The following ASIC2 variants were observed in gnomAD, a reference collection of about 807,000 sequenced individuals.
ASIC2 encodes the protein acid sensing ion channel subunit 2, also known as acid-sensing ion channel 2.
ASIC2 carries 25 observed loss-of-function variants against 57.3 expected under a neutral mutation model. The ratio of observed to expected loss-of-function variants is 0.44; its 90% CI spans 0.32 to 0.61. The LOEUF (loss-of-function observed/expected upper bound fraction) is 0.61, where lower values mean the gene tolerates loss of function less well. Ranked by LOEUF, ASIC2 falls within the 20% of genes least tolerant of loss-of-function variation. The pLI, the probability that ASIC2 is intolerant of heterozygous loss-of-function variation, is 0.06. For missense variants in ASIC2, 641 were observed against 738.1 expected, an observed-to-expected ratio of 0.87 and a Z score of 1.52; for synonymous variants, 319 against 307.5, an observed-to-expected ratio of 1.04 and a Z score of -0.39.
chr17:34,128,640 T>C (rs1305898075), intron 1 of ASIC2, among the ~76,000 whole-genome samples: 1 of 152,218 alleles, frequency 6.6e-6, no homozygotes, highest in African/African-American at 2.4e-5. Context: ...ACTAGAACTG[T>C]GCGCTAGATA....
chr17:33,488,430 T>G (rs1913646078), intron 1 of ASIC2, among the ~76,000 whole-genome samples: 1 of 152,238 alleles, frequency 6.6e-6, no homozygotes, highest in Admixed American at 6.5e-5. Flanking sequence ...CACATCAGGG[T>G]CACCTCTATC....
At chr17:33,115,897 T>C (rs56016224) in intron 1 of ASIC2, among the ~76,000 whole-genome samples, 7,512 of 152,286 alleles carry the variant, frequency 0.049, 563 homozygotes, top group African/African-American at 0.17. Flanking sequence ...ACACATTTCC[T>C]TGTGCACCTC....
intron 1 of ASIC2, among the ~76,000 whole-genome samples, chr17:33,674,727 G>A (rs528899011): frequency 2.6e-5 from 4 of 152,288 alleles, no homozygotes; most frequent in Admixed American, 2.6e-4. Context: ...CTCGTTCTGT[G>A]ATATCCAGGG....
chr17:33,904,163 CAAAAA>C lies in ASIC2; in HGVS notation c.555+251810_555+251814del, dbSNP rs769795292. ...GGGCAACAAGAGTGAAACTCCGTCT[CAAAAA>C]AAAAAAAAAAAAAAAAAAAGAATTA... On this transcript the variant is annotated intron_variant, in intron 1 of 9. Transcript: ENST00000359872. Among the ~76,000 whole-genome samples, 6 of 55,860 alleles carry C rather than the reference CAAAAA, an allele frequency of 1.1e-4. No homozygotes were observed. In the South Asian group the frequency reaches 6.4e-3, roughly 60 times the overall value. 36.6% of individuals were successfully genotyped at this position (55,860 alleles called of 152,430 possible). A position where few individuals can be genotyped will look rare whatever the true frequency, so the allele number is the denominator to read the frequency against.
At chr17:33,825,432 A>G (rs962117073) in intron 1 of ASIC2, among the ~76,000 whole-genome samples, 3 of 152,198 alleles carry the variant, frequency 2.0e-5, no homozygotes, top group Non-Finnish European at 4.4e-5. Flanking sequence ...TGACACAATC[A>G]TCATTCCATT....
At chr17:33,344,701 C>T (rs928002174) in intron 1 of ASIC2, among the ~76,000 whole-genome samples, 1 of 152,068 alleles carries the variant, frequency 6.6e-6, no homozygotes, top group Non-Finnish European at 1.5e-5. Flanking sequence ...TGTGGTCTCT[C>T]CTCCCACTTA....
At chr17:33,533,914 C>G (rs182573355) in intron 1 of ASIC2, among the ~76,000 whole-genome samples, 25 of 152,326 alleles carry the variant, frequency 1.6e-4, no homozygotes, top group Non-Finnish European at 3.1e-4. Context: ...CTCAATGTTT[C>G]TCTGTAAGGT....
chr17:33,423,460 C>A (rs1911112026), intron 1 of ASIC2, among the ~76,000 whole-genome samples: 1 of 152,200 alleles, frequency 6.6e-6, no homozygotes, highest in African/African-American at 2.4e-5. Context: ...TGACATGCTA[C>A]TAGTAATAAC....
At chr17:33,306,150 G>A (rs543020763) in intron 1 of ASIC2, among the ~76,000 whole-genome samples, 2 of 152,314 alleles carry the variant, frequency 1.3e-5, no homozygotes, top group Non-Finnish European at 2.9e-5. Flanking sequence ...CGATAAAAGA[G>A]AAATGGAATT....
rs554196253 is a variant in ASIC2 at position 33,123,951 on chromosome 17, G to A, written c.709-11884C>T. 2.0e-5 allele frequency among the ~76,000 whole-genome samples: 3 copies of A among 152,356 alleles called. No individual in the cohort carries two copies. The South Asian group carries it at 6.2e-4, about 32-fold the overall frequency. ...TATTCTACAGGGCTGCATTGAAAGC[G>A]ATGCACCAGTGGAAACCAAATGATA... On this transcript the variant is annotated intron_variant, in intron 1 of 9. Coordinates refer to ENST00000225823, the MANE Select transcript of ASIC2 (RefSeq NM_183377.2).
At chr17:33,949,525 C>T (rs1904492664) in intron 1 of ASIC2, among the ~76,000 whole-genome samples, 2 of 152,294 alleles carry the variant, frequency 1.3e-5, no homozygotes, top group South Asian at 4.1e-4. Flanking sequence ...CTTTTCTATG[C>T]TGCTTTGGAT....
At chr17:33,375,328 T>C (rs1021533380) in intron 1 of ASIC2, among the ~76,000 whole-genome samples, 2 of 149,902 alleles carry the variant, frequency 1.3e-5, no homozygotes, top group South Asian at 4.2e-4. Flanking sequence ...CATGACGGGC[T>C]CTCAGGCAGG....
intron 1 of ASIC2, among the ~76,000 whole-genome samples, chr17:33,320,813 G>A: frequency 6.6e-6 from 1 of 152,042 alleles, no homozygotes; most frequent in East Asian, 1.9e-4. Context: ...TCACCCCAGG[G>A]AGTTCATGGC....
Position 34,156,154 on chromosome 17 carries a change from G to T in ASIC2, c.379C>A (p.His127Asn). The stretch of plus-strand genomic sequence containing the variant: ...TCCAGCACGGAGGGGTCAGCCAGAT[G>T]GGGGTCCGGGATCTGCAGGTTGACA... The change falls in exon 1 of 10, where the codon CAT becomes AAT. Residue 127 changes from histidine to asparagine, a missense_variant. Physicochemically the swap from His to Asn is moderately conservative, Grantham distance 68 (BLOSUM62 1). Transcript: ENST00000359872. The surrounding 1 kb of genome is among the most constrained non-coding windows in gnomAD (Gnocchi z 4.4). 1 of 1,614,126 alleles carries T rather than the reference G, an allele frequency of 6.2e-7. No individual in the cohort carries two copies. Among genetic ancestry groups the T allele is most frequent in the Non-Finnish European group, 8.5e-7 (1 of 1,180,014 alleles).
chr17:33,271,303 G>A (rs538029899), intron 1 of ASIC2, among the ~76,000 whole-genome samples: 4 of 152,138 alleles, frequency 2.6e-5, no homozygotes, highest in Middle Eastern at 3.4e-3. Context: ...CCACTTATGC[G>A]ATCCCACCCA....
intron 2 of ASIC2, among the ~76,000 whole-genome samples, chr17:33,096,700 G>A (rs1487124493): frequency 1.3e-5 from 2 of 152,212 alleles, no homozygotes; most frequent in African/African-American, 4.8e-5. Context: ...CAGAGGAAGG[G>A]CAGAGCAGGT....
At chr17:33,851,563 C>T (rs317407) in intron 1 of ASIC2, among the ~76,000 whole-genome samples, 45,944 of 151,790 alleles carry the variant, frequency 0.3, 7,210 homozygotes, top group East Asian at 0.48. Context: ...TTCTTGCTTC[C>T]GCTTATTCTA....
At chr17:34,057,473 T>C (rs1005371640) in intron 1 of ASIC2, among the ~76,000 whole-genome samples, 1 of 152,172 alleles carries the variant, frequency 6.6e-6, no homozygotes, top group African/African-American at 2.4e-5. Flanking sequence ...TGTCTGATGA[T>C]GGGACTTGGT....
At chr17:33,704,605 T>G (rs1056569012) in intron 1 of ASIC2, among the ~76,000 whole-genome samples, 1 of 152,230 alleles carries the variant, frequency 6.6e-6, no homozygotes, top group African/African-American at 2.4e-5. Context: ...TCTTTTAAAC[T>G]AACAGGATAA....
Sources: gnomAD v4.1 joint callset for allele counts (sites outside exome capture counted in the v4.1 genomes callset) on GRCh38, gnomAD v4.1.1 for gene constraint, Gnocchi (gnomAD v3.1) non-coding constraint, MANE v1.5 for transcripts, NCBI Gene and HGNC (gene_info 2026-07-23, HGNC 2026-07-21) for gene names.